CHRNA1: variants seen among roughly 807,000 people sequenced by gnomAD.
CHRNA1 encodes the protein acetylcholine receptor subunit alpha.
A neutral mutation model predicts 47.1 loss-of-function variants in CHRNA1; 35 were observed. That is an observed-to-expected ratio of 0.74 (90% CI 0.57 to 0.99). CHRNA1 has a LOEUF of 0.99. Among genes scored for constraint, CHRNA1 ranks in the 50% least tolerant of loss-of-function variants. CHRNA1 has a pLI of 0.00. For missense variants in CHRNA1, 506 were observed against 591.1 expected, an observed-to-expected ratio of 0.86 and a Z score of 1.49; for synonymous variants, 229 against 223.6, an observed-to-expected ratio of 1.02 and a Z score of -0.22.
chr2:174,748,083 G>T lies in CHRNA1; in HGVS notation c.*41C>A, dbSNP rs1683766941. ...TTCCTCTCCTGCCCTTCTCTGCTCT[G>T]GTAGGTTCCAGGGCAGAGCTAAGCT... On this transcript the variant is annotated 3_prime_UTR_variant, in exon 9 of 9. Transcript: ENST00000348749. The T allele has an allele frequency of 6.2e-7, 1 of 1,612,920 alleles. No individual in the cohort carries two copies.
chr2:174,754,190 C>G (rs959294900), intron 5 of CHRNA1, 29 bp downstream of exon 5: 12 of 1,610,222 alleles, frequency 7.5e-6, no homozygotes, highest in Non-Finnish European at 1.0e-5. Flanking sequence ...TTCCTGAAAC[C>G]ACCCTTATCA....
chr2:174,747,985 TA>T lies in CHRNA1; in HGVS notation c.*138del. 8.9e-7 allele frequency: 1 copy of T among 1,126,760 alleles called. No individual in the cohort carries two copies. The highest frequency in any genetic ancestry group is 1.3e-6 in the Non-Finnish European group (1 of 774,358). The allele number at this position is 1,126,760 out of a possible 1,614,324, so 69.8% of individuals were successfully genotyped here. ...TCAAGGCCATAAACTTACATAAAGGTAAATCTTATCATCAATAATAAGTATG... is the reference window on the plus strand; with the variant it reads ...TCAAGGCCATAAACTTACATAAAGGTAATCTTATCATCAATAATAAGTATG... On this transcript the variant is annotated 3_prime_UTR_variant, in exon 9 of 9. Transcript: ENST00000348749.
chr2:174,748,070 C>G lies in CHRNA1; in HGVS notation c.*54G>C, dbSNP rs1683766680. On this transcript the variant is annotated 3_prime_UTR_variant, in exon 9 of 9. Coordinates refer to ENST00000348749, the MANE Select transcript of CHRNA1 (RefSeq NM_000079.4). Reference sequence around the variant, plus strand: ...AAGTAGACAAATCTTCCTCTCCTGCCCTTCTCTGCTCTGGTAGGTTCCAGG... The same window carrying G: ...AAGTAGACAAATCTTCCTCTCCTGCGCTTCTCTGCTCTGGTAGGTTCCAGG... 6.2e-7 allele frequency: 1 copy of G among 1,610,040 alleles called. No individual in the cohort carries two copies.
intron 4 of CHRNA1, among the ~76,000 whole-genome samples, chr2:174,756,631 G>C (rs892359243): frequency 1.3e-5 from 2 of 152,178 alleles, no homozygotes; most frequent in Admixed American, 1.3e-4. Context: ...TACTTCATCA[G>C]CCCATTTGTC....
At chr2:174,753,299 G>T in intron 6 of CHRNA1, 1 of 726,728 alleles carries the variant, frequency 1.4e-6, no homozygotes, top group Non-Finnish European at 2.5e-6. Context: ...ACTCCCTGCC[G>T]CTCGGGGTGT....
In CHRNA1 at chr2:174,753,640, G is replaced by A. The variant is rs1174919209; in HGVS notation, c.641C>T (p.Pro214Leu). 3 of 1,613,996 alleles carry A rather than the reference G, an allele frequency of 1.9e-6. No individual in the cohort carries two copies. The highest frequency in any genetic ancestry group is 2.2e-5 in the East Asian group (1 of 44,886). The change falls in exon 6 of 9, where the codon CCC becomes CTC. Residue 214 changes from proline to leucine, a missense_variant. Pro to Leu is a moderately conservative substitution (Grantham distance 98, BLOSUM62 -3). Coordinates refer to ENST00000348749, the MANE Select transcript of CHRNA1 (RefSeq NM_000079.4). Reference protein sequence around the residue: ...WKHSVTYSCCPDTPYLDITYH... With the variant: ...WKHSVTYSCCLDTPYLDITYH... The stretch of plus-strand genomic sequence containing the variant: ...GGTGATGTCCAGGTAGGGGGTGTCG[G>A]GGCAGCAGGAATAGGTCACGGAGTG...
chr2:174,758,206 C>T (rs542921361), intron 3 of CHRNA1, among the ~76,000 whole-genome samples: 2 of 152,204 alleles, frequency 1.3e-5, no homozygotes, highest in South Asian at 4.2e-4. Flanking sequence ...GTCAGGAGTT[C>T]GAGACCAGCC....
chr2:174,761,368 C>T (rs1684097043), intron 1 of CHRNA1, among the ~76,000 whole-genome samples: 1 of 152,094 alleles, frequency 6.6e-6, no homozygotes, highest in Admixed American at 6.5e-5. Flanking sequence ...GCAGCCTTGA[C>T]CTCCCAGGCT....
At chr2:174,757,449 CT>C in intron 4 of CHRNA1, 116 bp downstream of exon 4, 1 of 702,482 alleles carries the variant, frequency 1.4e-6, no homozygotes, top group Non-Finnish European at 2.4e-6. Context: ...AGCCACCATC[CT>C]GGGTGATTTA....
chr2:174,759,556 G>T lies in CHRNA1; in HGVS notation c.121C>A (p.Pro41Thr), dbSNP rs1684052535. Residue 41 changes from proline to threonine, a missense_variant, in exon 2 of 9, where the codon CCA becomes ACA. By Grantham distance (38) the Pro-to-Thr change is conservative. Transcript: ENST00000348749. The stretch of plus-strand genomic sequence containing the variant: ...ACGACCTGGCGGTGGTCTTCCACTG[G>T]CCGCACCACGCTGCTGTAGTCTTTA... ...LFKDYSSVVR[P>T]VEDHRQVVEV... 1 of 1,613,800 alleles carries T rather than the reference G, an allele frequency of 6.2e-7. No individual in the cohort carries two copies. Among genetic ancestry groups the T allele is most frequent in the Non-Finnish European group, 8.5e-7 (1 of 1,179,992 alleles).
Position 174,747,926 on chromosome 2 carries a change from G to T in CHRNA1, c.*198C>A. The T allele has an allele frequency of 1.6e-6, 1 of 644,532 alleles. No homozygotes were observed. The highest frequency in any genetic ancestry group is 2.7e-6 in the Non-Finnish European group (1 of 371,970). 39.9% of individuals were successfully genotyped at this position (644,532 alleles called of 1,614,324 possible). ...AGAGGGTTCACTCTTCAGGGAGACA[G>T]CAGAACTAAAGGGAGAAGCAATATG... On this transcript the variant is annotated 3_prime_UTR_variant, in exon 9 of 9. Transcript: ENST00000348749.
Position 174,753,537 on chromosome 2 carries a change from T to C in CHRNA1, c.744A>G (p.Leu248=), listed in dbSNP as rs1163631487. 2 of 1,613,968 alleles carry C rather than the reference T, an allele frequency of 1.2e-6. No homozygotes were observed. Residue 248 remains leucine (L), a synonymous_variant, in exon 6 of 9, where the codon TTA becomes TTG. Transcript: ENST00000348749. ...VIIPCLLFSF[L]TGLVFYLPTD... ...TGGGCAGGTAGAATACCAGGCCAGT[T>C]AAGAAGGAGAAGAGCAGGCAGGGGA...
chr2:174,754,512 G>A lies in CHRNA1; in HGVS notation c.345-98C>T, dbSNP rs113375495. The A allele has an allele frequency of 2.1e-3, 2,111 of 1,021,276 alleles. 21 individuals are homozygous for A. The African/African-American group carries it at 0.023, about 11-fold the overall frequency. The allele number at this position is 1,021,276 out of a possible 1,614,324, so 63.3% of individuals were successfully genotyped here. ...CAGGAGACAGCTGTTAATTATTCAGGTGCTAATTATAGAAGCTCTGTTTCG... is the reference window on the plus strand; with the variant it reads ...CAGGAGACAGCTGTTAATTATTCAGATGCTAATTATAGAAGCTCTGTTTCG... On this transcript the variant is annotated intron_variant, in intron 4 of 8. Coordinates refer to ENST00000348749, the MANE Select transcript of CHRNA1 (RefSeq NM_000079.4).
At chr2:174,763,572 A>G (rs997112451) in intron 1 of CHRNA1, among the ~76,000 whole-genome samples, 1 of 152,168 alleles carries the variant, frequency 6.6e-6, no homozygotes, top group African/African-American at 2.4e-5. Context: ...ATCACCAGTA[A>G]ACTTTTATGT....
chr2:174,758,102 T>C, intron 3 of CHRNA1: 2 of 1,600,634 alleles, frequency 1.2e-6, no homozygotes, highest in East Asian at 2.2e-5. Flanking sequence ...AAGTACCATA[T>C]ATTTTTCTAC....
intron 1 of CHRNA1, among the ~76,000 whole-genome samples, chr2:174,760,367 A>G (rs538422104): frequency 2.0e-5 from 3 of 152,362 alleles, no homozygotes; most frequent in Admixed American, 6.5e-5. Flanking sequence ...CAGACATGAA[A>G]AAGGAATAAA....
At chr2:174,760,977 C>CA (rs1462788495) in intron 1 of CHRNA1, among the ~76,000 whole-genome samples, 1 of 152,160 alleles carries the variant, frequency 6.6e-6, no homozygotes, top group East Asian at 1.9e-4. Flanking sequence ...AGCAGGAGGG[C>CA]AGACATTCTT....
In CHRNA1 at chr2:174,748,094, G is replaced by C; in HGVS notation, c.*30C>G. On this transcript the variant is annotated 3_prime_UTR_variant, in exon 9 of 9. Transcript: ENST00000348749. ...CCCTTCTCTGCTCTGGTAGGTTCCA[G>C]GGCAGAGCTAAGCTCAGCTCATTTT... 6.2e-7 allele frequency: 1 copy of C among 1,613,460 alleles called. No homozygotes were observed. Among genetic ancestry groups the C allele is most frequent in the East Asian group, 2.2e-5 (1 of 44,872 alleles).
chr2:174,747,868 A>G lies in CHRNA1; in HGVS notation c.*256T>C. 2.2e-6 allele frequency: 1 copy of G among 455,372 alleles called. No individual in the cohort carries two copies. The allele number at this position is 455,372 out of a possible 1,614,324, so 28.2% of individuals were successfully genotyped here. On this transcript the variant is annotated 3_prime_UTR_variant, in exon 9 of 9. Coordinates refer to ENST00000348749, the MANE Select transcript of CHRNA1 (RefSeq NM_000079.4). ...AAACTCTTCCAGACACTGGAAATGAACACTTTTTTTAGTGATTAGTTTCAT... is the reference window on the plus strand; with the variant it reads ...AAACTCTTCCAGACACTGGAAATGAGCACTTTTTTTAGTGATTAGTTTCAT...
Sources: allele counts gnomAD v4.1 joint callset (sites outside exome capture counted in the v4.1 genomes callset), GRCh38; gene constraint gnomAD v4.1.1; transcripts MANE v1.5; gene names NCBI Gene and HGNC (gene_info 2026-07-23, HGNC 2026-07-21).